The following TCEANC2 variants were observed in gnomAD, a reference collection of about 807,000 sequenced individuals.
TCEANC2 encodes transcription elongation factor A N-terminal and central domain-containing protein 2.
In TCEANC2, 20 loss-of-function variants were observed where a neutral mutation model predicts 22.8. The ratio of observed to expected loss-of-function variants is 0.88; its 90% CI spans 0.62 to 1.28. The LOEUF is 1.28. Among genes scored for constraint, TCEANC2 ranks in the 50% most tolerant of loss-of-function variants. The pLI, the probability that TCEANC2 is intolerant of heterozygous loss-of-function variation, is 0.00. For missense variants in TCEANC2, 251 were observed against 249.7 expected, an observed-to-expected ratio of 1.01 and a Z score of -0.03; for synonymous variants, 84 against 95.5, an observed-to-expected ratio of 0.88 and a Z score of 0.70.
chr1:54,063,304 G>A (rs1396570872), intron 2 of TCEANC2, among the ~76,000 whole-genome samples: 1 of 152,002 alleles, frequency 6.6e-6, no homozygotes, highest in Non-Finnish European at 1.5e-5. Context: ...ACCTTCTCAG[G>A]GTCTTAGATG....
intron 4 of TCEANC2, chr1:54,089,949 G>T: frequency 1.3e-6 from 1 of 765,904 alleles, no homozygotes; most frequent in Non-Finnish European, 2.3e-6. Context: ...ACGTACACCT[G>T]ATTTTCATGA....
chr1:54,090,157 T>A, intron 4 of TCEANC2: 1 of 435,516 alleles, frequency 2.3e-6, no homozygotes, highest in Non-Finnish European at 4.3e-6. Flanking sequence ...TGATGCCAAG[T>A]TAAAGCACTG....
Position 54,099,294 on chromosome 1 carries a change from AT to A in TCEANC2, c.*2824del, listed in dbSNP as rs1658611894. ...GGAGATTTGGAAAGCAGGCTGTGTT[AT>A]TTGTGGCTGTTTTCTCCTTGATGCA... On this transcript the variant is annotated 3_prime_UTR_variant, in exon 5 of 5. Coordinates refer to ENST00000234827, the MANE Select transcript of TCEANC2 (RefSeq NM_153035.3). 6.6e-6 allele frequency: 1 copy of A among 152,238 alleles called. No individual in the cohort carries two copies. Among genetic ancestry groups the A allele is most frequent in the East Asian group, 1.9e-4 (1 of 5,200 alleles). The allele number at this position is 152,238 out of a possible 1,614,324, so 9.4% of individuals were successfully genotyped here.
intron 2 of TCEANC2, 151 bp from the exon 3 acceptor site, chr1:54,068,605 C>G: frequency 1.5e-6 from 1 of 661,582 alleles, no homozygotes; most frequent in Non-Finnish European, 2.4e-6. Flanking sequence ...TAAGCAATTA[C>G]CCATCATTTG....
rs759937568 is a variant in TCEANC2, at chr1:54,096,300, G to A, written c.454G>A (p.Val152Ile). 1.3e-5 allele frequency: 21 copies of A among 1,596,858 alleles called. No individual in the cohort carries two copies. Among genetic ancestry groups the A allele is most frequent in the Non-Finnish European group, 1.8e-5 (21 of 1,165,686 alleles). Reference protein sequence around the residue: ...ALELKMDHLLVENIERETFHL... With the variant: ...ALELKMDHLLIENIERETFHL... ...TGTTTTTTAGATGGATCACCTACTG[G>A]TTGAAAATATTGAACGGGAAACGTT... The change falls in exon 5 of 5, where the codon GTT (valine) becomes ATT (isoleucine). Residue 152 changes from valine to isoleucine, a missense_variant. Transcript: ENST00000234827. The surrounding 1 kb of genome is among the most constrained non-coding windows in gnomAD (Gnocchi z 4.9).
rs965627855 is a variant in TCEANC2, at chr1:54,096,530, C to T, written c.*57C>T. The T allele has an allele frequency of 9.8e-6, 15 of 1,538,064 alleles. 1 individual carries two copies. The highest frequency in any genetic ancestry group is 6.9e-5 in the East Asian group (3 of 43,600). On this transcript the variant is annotated 3_prime_UTR_variant, in exon 5 of 5. Coordinates refer to ENST00000234827, the MANE Select transcript of TCEANC2 (RefSeq NM_153035.3). This position sits in a 1 kb window ranked among gnomAD's most constrained non-coding sequence, Gnocchi z 4.9. ...GAGAGGAAAATGGGCCTGTCTCTGC[C>T]GTTCAAAGACGCTTTTGAGTTTGGG...
downstream of TCEANC2, among the ~76,000 whole-genome samples, chr1:54,110,382 T>C (rs1258941870): frequency 6.6e-6 from 1 of 152,080 alleles, no homozygotes; most frequent in African/African-American, 2.4e-5. Context: ...GAGGATCGCT[T>C]GAGCCCAGGA....
chr1:54,058,962 G>A (rs1204718834), intron 2 of TCEANC2, among the ~76,000 whole-genome samples: 1 of 151,782 alleles, frequency 6.6e-6, no homozygotes, highest in East Asian at 1.9e-4. Flanking sequence ...GCCTCTTGCT[G>A]TTCTTTGTAT....
At chr1:54,092,005 G>A (rs1006876235) in intron 4 of TCEANC2, among the ~76,000 whole-genome samples, 3 of 152,122 alleles carry the variant, frequency 2.0e-5, no homozygotes, top group Non-Finnish European at 4.4e-5. Context: ...TCCCCATATG[G>A]GACTATTAGT....
At chr1:54,054,337 C>T in intron 1 of TCEANC2, 44 bp from the exon 2 acceptor site, 1 of 1,558,254 alleles carries the variant, frequency 6.4e-7, no homozygotes, top group South Asian at 1.2e-5. Context: ...AATATCATGG[C>T]AGTCTTTAGT....
intron 2 of TCEANC2, among the ~76,000 whole-genome samples, chr1:54,058,111 T>C (rs1436244449): frequency 1.3e-5 from 2 of 152,244 alleles, no homozygotes; most frequent in Non-Finnish European, 2.9e-5. Context: ...TTTTATAAGG[T>C]ATTATGAAAT....
At chr1:54,109,878 A>G (rs1205776285), downstream of TCEANC2, among the ~76,000 whole-genome samples, 2 of 152,364 alleles carry the variant, frequency 1.3e-5, no homozygotes, top group South Asian at 4.1e-4. Context: ...TCAGAGCCAG[A>G]AAATACATAG....
At chr1:54,086,559 G>A (rs771536428) in intron 3 of TCEANC2, among the ~76,000 whole-genome samples, 3 of 152,134 alleles carry the variant, frequency 2.0e-5, no homozygotes, top group Non-Finnish European at 4.4e-5. Context: ...AAAATAAAAT[G>A]TTTTAAGAGC....
At chr1:54,062,947 G>T (rs1022305904) in intron 2 of TCEANC2, among the ~76,000 whole-genome samples, 2 of 152,198 alleles carry the variant, frequency 1.3e-5, no homozygotes, top group African/African-American at 4.8e-5. Context: ...CTCTTAACCT[G>T]ATTCCAGCCA....
At chr1:54,067,016 G>A (rs192768045) in intron 2 of TCEANC2, among the ~76,000 whole-genome samples, 227 of 152,286 alleles carry the variant, frequency 1.5e-3, no homozygotes, top group Admixed American at 2.5e-3. Context: ...AAAGGAAGAG[G>A]GGAGAGAGAA....
intron 1 of TCEANC2, 111 bp downstream of exon 1, chr1:54,053,869 G>GGTA (rs1657681348): frequency 6.5e-6 from 1 of 153,790 alleles, no homozygotes; most frequent in Admixed American, 6.6e-5. Context: ...TACAGCCGTG[G>GGTA]GTAGGGTCCT....
In TCEANC2 at chr1:54,059,073, C is replaced by G. The variant is rs531353164; in HGVS notation, c.102+4549C>G. On this transcript the variant is annotated intron_variant, in intron 2 of 4. Coordinates refer to ENST00000234827, the MANE Select transcript of TCEANC2 (RefSeq NM_153035.3). ...TCTTTTTACAGAGTCAATTTCTACC[C>G]ATTTGTCAACCCACTCAAGAACTAC... 2.3e-4 allele frequency among the ~76,000 whole-genome samples: 35 copies of G among 152,162 alleles called. No homozygotes were observed. In the East Asian group the frequency reaches 6.4e-3, roughly 28 times the overall value.
At chr1:54,087,929 A>G (rs1213042015) in intron 3 of TCEANC2, among the ~76,000 whole-genome samples, 1 of 152,212 alleles carries the variant, frequency 6.6e-6, no homozygotes, top group African/African-American at 2.4e-5. Context: ...TTGAATGACT[A>G]ACTGGGTTAT....
chr1:54,090,300 T>A (rs984398328), intron 4 of TCEANC2, among the ~76,000 whole-genome samples: 1 of 152,120 alleles, frequency 6.6e-6, no homozygotes, highest in African/African-American at 2.4e-5. Context: ...GGGAAAAAAA[T>A]GTAACCCAGA....
Sources: allele counts gnomAD v4.1 joint callset (sites outside exome capture counted in the v4.1 genomes callset), GRCh38; gene constraint gnomAD v4.1.1; non-coding constraint Gnocchi (gnomAD v3.1); transcripts MANE v1.5; gene names NCBI Gene and HGNC (gene_info 2026-07-23, HGNC 2026-07-21).